The following RAB6B variants were observed in gnomAD, a reference collection of about 807,000 sequenced individuals.
RAB6B encodes RAB6B, member RAS oncogene family.
In RAB6B, 7 loss-of-function variants were observed where a neutral mutation model predicts 31.2. The observed-to-expected ratio is 0.22, with a 90% CI of 0.13 to 0.42. The LOEUF is 0.42. Ranked by LOEUF, RAB6B falls within the 10% of genes least tolerant of loss-of-function variation. The pLI is 1.00. For missense variants in RAB6B, 149 were observed against 280.6 expected (o/e 0.53, Z 3.35); for synonymous variants, 105 against 104.9 (o/e 1.00, Z -0.01).
intron 2 of RAB6B, among the ~76,000 whole-genome samples, chr3:133,844,544 G>C (rs945616640): frequency 6.6e-6 from 1 of 152,174 alleles, no homozygotes; most frequent in African/African-American, 2.4e-5. Context: ...TTTCAATAAT[G>C]GCTGAGTGGC....
chr3:133,869,053 G>A (rs927547183), intron 1 of RAB6B, among the ~76,000 whole-genome samples: 8 of 152,134 alleles, frequency 5.3e-5, no homozygotes, highest in Admixed American at 2.6e-4. Flanking sequence ...TGGCCGGGCA[G>A]TCAGGACACC....
intron 2 of RAB6B, among the ~76,000 whole-genome samples, chr3:133,858,118 G>A (rs1253123363): frequency 6.6e-6 from 1 of 152,128 alleles, no homozygotes; most frequent in Non-Finnish European, 1.5e-5. Context: ...TTCCTACCCA[G>A]GGATCCCAAC....
At chr3:133,833,049 C>G (rs968232571) in intron 7 of RAB6B, among the ~76,000 whole-genome samples, 1 of 152,188 alleles carries the variant, frequency 6.6e-6, no homozygotes, top group Non-Finnish European at 1.5e-5. Flanking sequence ...GGATGGAGAG[C>G]GGGCAGTGCA....
At position 133,895,847 on chromosome 3, in the gene RAB6B, T is replaced by G; in HGVS notation, c.-381A>C. 1.0e-5 allele frequency: 2 copies of G among 197,220 alleles called. No individual in the cohort carries two copies. Among genetic ancestry groups the G allele is most frequent in the East Asian group, 1.2e-4 (1 of 8,610 alleles). 12.2% of individuals were successfully genotyped at this position (197,220 alleles called of 1,614,324 possible). Reference sequence around the variant, plus strand: ...TCCAGAGCCGCGCCAGTCGGCCCCCTCCCGCCTGCCTCCTCCGCCGGCGCC... The same window carrying G: ...TCCAGAGCCGCGCCAGTCGGCCCCCGCCCGCCTGCCTCCTCCGCCGGCGCC... On this transcript the variant is annotated 5_prime_UTR_variant, in exon 1 of 8. Coordinates refer to ENST00000285208, the MANE Select transcript of RAB6B (RefSeq NM_016577.4).
At chr3:133,855,741 A>C (rs1275319211) in intron 2 of RAB6B, among the ~76,000 whole-genome samples, 2 of 152,216 alleles carry the variant, frequency 1.3e-5, no homozygotes, top group African/African-American at 4.8e-5. Context: ...TAAAGCCTGG[A>C]GCAGAGAACT....
chr3:133,883,551 A>G (rs1415652086), intron 1 of RAB6B, among the ~76,000 whole-genome samples: 3 of 151,908 alleles, frequency 2.0e-5, no homozygotes, highest in Non-Finnish European at 4.4e-5. Flanking sequence ...AGTGTCTGTG[A>G]GCCTCTCCCT....
chr3:133,848,652 G>A (rs1183989440), intron 2 of RAB6B, among the ~76,000 whole-genome samples: 1 of 152,100 alleles, frequency 6.6e-6, no homozygotes, highest in Non-Finnish European at 1.5e-5. Flanking sequence ...GAGAGAAAAA[G>A]GGGCCCAAAC....
Position 133,895,606 on chromosome 3 carries a change from C to A in RAB6B, c.-140G>T. ...GCTGGCTGCGCGCGTCCCTGACTCC[C>A]CAGCTGCGTCCCGGTCCCGGCCTGC... On this transcript the variant is annotated 5_prime_UTR_variant, in exon 1 of 8. Coordinates refer to ENST00000285208, the MANE Select transcript of RAB6B (RefSeq NM_016577.4). The A allele has an allele frequency of 1.3e-6, 1 of 764,640 alleles. No homozygotes were observed. Among genetic ancestry groups the A allele is most frequent in the South Asian group, 1.7e-5 (1 of 58,560 alleles). The allele number at this position is 764,640 out of a possible 1,614,324, so 47.4% of individuals were successfully genotyped here. A position where few individuals can be genotyped will look rare whatever the true frequency, so the allele number is the denominator to read the frequency against.
intron 1 of RAB6B, among the ~76,000 whole-genome samples, chr3:133,872,455 C>T (rs1490922186): frequency 2.6e-5 from 4 of 152,258 alleles, no homozygotes; most frequent in South Asian, 2.1e-4. Context: ...CTGTGAGGTA[C>T]GGCCCCCAGG....
intron 2 of RAB6B, among the ~76,000 whole-genome samples, chr3:133,858,964 G>A (rs908772361): frequency 1.3e-5 from 2 of 152,132 alleles, no homozygotes; most frequent in African/African-American, 4.8e-5. Flanking sequence ...AAATATGTAT[G>A]TATGTATGTA....
intron 2 of RAB6B, among the ~76,000 whole-genome samples, chr3:133,852,401 A>C (rs936611002): frequency 2.0e-5 from 3 of 152,016 alleles, no homozygotes; most frequent in Admixed American, 2.0e-4. Flanking sequence ...CTGTCACTAG[A>C]TGCCCTACCT....
At chr3:133,882,859 G>C (rs1458880877) in intron 1 of RAB6B, among the ~76,000 whole-genome samples, 1 of 152,200 alleles carries the variant, frequency 6.6e-6, no homozygotes, top group Non-Finnish European at 1.5e-5. Flanking sequence ...TGGCTAGCTA[G>C]GTACCTCTTC....
chr3:133,894,407 G>A (rs1003548542), intron 1 of RAB6B: 2 of 152,300 alleles, frequency 1.3e-5, no homozygotes, highest in African/African-American at 4.8e-5. Flanking sequence ...TTTCAGAGAT[G>A]TTTTCCTGGG....
At chr3:133,883,814 A>T (rs1936501575) in intron 1 of RAB6B, among the ~76,000 whole-genome samples, 1 of 152,138 alleles carries the variant, frequency 6.6e-6, no homozygotes, top group East Asian at 1.9e-4. Flanking sequence ...ATCTCTAGGG[A>T]CTTGTCCCTG....
At chr3:133,887,032 AGCTGGG>A (rs1559914744) in intron 1 of RAB6B, among the ~76,000 whole-genome samples, 1 of 115,736 alleles carries the variant, frequency 8.6e-6, no homozygotes, top group Admixed American at 9.8e-5. Flanking sequence ...TGGGGGTGGG[AGCTGGG>A]GCTGGGGCCG....
At chr3:133,889,689 C>T (rs939119908) in intron 1 of RAB6B, among the ~76,000 whole-genome samples, 5 of 151,872 alleles carry the variant, frequency 3.3e-5, no homozygotes, top group African/African-American at 9.7e-5. Flanking sequence ...ACCCACCTTG[C>T]CACCTTGGTC....
At chr3:133,838,361 C>T (rs560052875) in intron 5 of RAB6B, 102 bp from the exon 6 acceptor site, 3 of 1,036,432 alleles carry the variant, frequency 2.9e-6, no homozygotes, top group Non-Finnish European at 4.5e-6. Flanking sequence ...CCCACTGGGC[C>T]CTTGGTCAGT....
chr3:133,850,549 C>A (rs1935969438), intron 2 of RAB6B, among the ~76,000 whole-genome samples: 1 of 151,694 alleles, frequency 6.6e-6, no homozygotes, highest in African/African-American at 2.4e-5. Context: ...ACATCTGAAA[C>A]AACAGATTCA....
In RAB6B at chr3:133,864,607, C is replaced by T. The variant is rs1410074939; in HGVS notation, c.106G>A (p.Asp36Asn). ...KTSLITRFMY[D>N]SFDNTYQATI... Reference sequence around the variant, plus strand: ...ACCTGGTATGTGTTGTCGAAGCTGTCGTACATGAACCTCGTAATCAGAGAC... The same window carrying T: ...ACCTGGTATGTGTTGTCGAAGCTGTTGTACATGAACCTCGTAATCAGAGAC... Residue 36 changes from aspartate to asparagine, a missense_variant, in exon 2 of 8, where the codon GAC becomes AAC. Physicochemically the swap from Asp to Asn is conservative, Grantham distance 23 (BLOSUM62 1). This residue lies in a region of RAB6B where 75 missense variants were observed against 180.1 expected (regional missense o/e 0.42). Coordinates refer to ENST00000285208, the MANE Select transcript of RAB6B (RefSeq NM_016577.4). 1.9e-6 allele frequency: 3 copies of T among 1,614,128 alleles called. No homozygotes were observed. The highest frequency in any genetic ancestry group is 1.7e-6 in the Non-Finnish European group (2 of 1,179,998).
Sources: gnomAD v4.1 joint callset for allele counts (sites outside exome capture counted in the v4.1 genomes callset) on GRCh38, gnomAD v4.1.1 for gene constraint, gnomAD v4.1.1 regional missense constraint, MANE v1.5 for transcripts, NCBI Gene and HGNC (gene_info 2026-07-23, HGNC 2026-07-21) for gene names.